MOB1B: variants seen among roughly 807,000 people sequenced by gnomAD.
MOB1B encodes the protein MOB kinase activator 1B.
In MOB1B, 19 loss-of-function variants were observed where a neutral mutation model predicts 24.4. The observed-to-expected ratio is 0.78, with a 90% CI of 0.54 to 1.14. The LOEUF (loss-of-function observed/expected upper bound fraction) is 1.14, where lower values mean the gene tolerates loss of function less well. MOB1B is among the 50% of genes most tolerant of loss of function. The pLI, the probability that MOB1B is intolerant of heterozygous loss-of-function variation, is 0.00. For synonymous variants in MOB1B, 76 were observed against 82.1 expected (o/e 0.93, Z 0.40); for missense variants, 243 against 259.6 (o/e 0.94, Z 0.44).
intron 1 of MOB1B, among the ~76,000 whole-genome samples, chr4:70,916,687 C>T (rs1477069782): frequency 1.3e-5 from 2 of 152,180 alleles, no homozygotes; most frequent in Non-Finnish European, 1.5e-5. Context: ...CCTCCCTCAG[C>T]CTCCCAAGTA....
At chr4:70,909,716 A>G (rs1735899229) in intron 1 of MOB1B, among the ~76,000 whole-genome samples, 1 of 151,576 alleles carries the variant, frequency 6.6e-6, no homozygotes, top group Admixed American at 6.6e-5. Context: ...AGGTCCAGAG[A>G]TCCTGTCTTA....
chr4:70,949,403 G>C (rs1737712885), intron 1 of MOB1B, among the ~76,000 whole-genome samples: 3 of 152,110 alleles, frequency 2.0e-5, no homozygotes. Context: ...TTAGCTTTTA[G>C]TCTTATTATT....
At chr4:70,978,758 A>C (rs1195073274) in intron 4 of MOB1B, among the ~76,000 whole-genome samples, 1 of 152,206 alleles carries the variant, frequency 6.6e-6, no homozygotes, top group East Asian at 1.9e-4. Flanking sequence ...AAGGTGGTTA[A>C]TGCATTATTT....
intron 3 of MOB1B, among the ~76,000 whole-genome samples, chr4:70,972,804 C>T (rs796140596): frequency 5.3e-5 from 8 of 152,158 alleles, no homozygotes; most frequent in African/African-American, 1.9e-4. Flanking sequence ...GACGGAGTCT[C>T]GCTCTTTCAC....
rs1473735605 is a variant in MOB1B at position 70,936,512 on chromosome 4, G to A, written c.15-22362G>A. 2.6e-5 allele frequency among the ~76,000 whole-genome samples: 4 copies of A among 152,184 alleles called. No homozygotes were observed. In the South Asian group the frequency reaches 6.2e-4, roughly 24 times the overall value. On this transcript the variant is annotated intron_variant, in intron 1 of 5. Coordinates refer to ENST00000309395, the MANE Select transcript of MOB1B (RefSeq NM_173468.4). ...ATGAGGCACCGTGCCTGGCTCATTC[G>A]ATCTTTTTGAACAAACCTATGTTGG...
chr4:70,905,090 T>G (rs1735686069), intron 1 of MOB1B, among the ~76,000 whole-genome samples: 1 of 152,234 alleles, frequency 6.6e-6, no homozygotes, highest in South Asian at 2.1e-4. Context: ...TCAGAAAAGT[T>G]AATTCAACAT....
At chr4:70,936,729 C>A (rs1306946485) in intron 1 of MOB1B, among the ~76,000 whole-genome samples, 3 of 152,112 alleles carry the variant, frequency 2.0e-5, no homozygotes, top group African/African-American at 7.2e-5. Flanking sequence ...TTCTAAAACT[C>A]TAGAAGCAGT....
At chr4:70,977,983 G>A (rs760210753) in intron 4 of MOB1B, among the ~76,000 whole-genome samples, 38 of 152,162 alleles carry the variant, frequency 2.5e-4, no homozygotes, top group Non-Finnish European at 4.7e-4. Context: ...TCACTGCCCA[G>A]CTTCAGTACA....
chr4:70,959,957 C>G (rs1738235884), intron 2 of MOB1B, among the ~76,000 whole-genome samples: 1 of 152,112 alleles, frequency 6.6e-6, no homozygotes, highest in Admixed American at 6.5e-5. Context: ...GATCTCGGCT[C>G]ACTCCAACCT....
At chr4:70,902,109 G>A (rs1421465232), upstream of MOB1B, among the ~76,000 whole-genome samples, 1 of 152,178 alleles carries the variant, frequency 6.6e-6, no homozygotes, top group Non-Finnish European at 1.5e-5. Flanking sequence ...ACTCCTAACC[G>A]GGTGGACAGG....
chr4:70,963,830 AAAAAC>A (rs1422666344), intron 2 of MOB1B, among the ~76,000 whole-genome samples: 1 of 152,082 alleles, frequency 6.6e-6, no homozygotes, highest in African/African-American at 2.4e-5. Flanking sequence ...AAAAGAAGAA[AAAAAC>A]AAAACAAAAA....
chr4:70,970,672 A>C (rs1210688129), intron 3 of MOB1B, among the ~76,000 whole-genome samples: 3 of 152,218 alleles, frequency 2.0e-5, no homozygotes, highest in Non-Finnish European at 4.4e-5. Flanking sequence ...AGTGGTACCT[A>C]AATGTAAGGC....
At chr4:70,948,454 C>G (rs1219188069) in intron 1 of MOB1B, among the ~76,000 whole-genome samples, 2 of 152,038 alleles carry the variant, frequency 1.3e-5, no homozygotes, top group Non-Finnish European at 2.9e-5. Flanking sequence ...TTTTCAGTTC[C>G]CCTCACTGTG....
chr4:70,913,459 G>A (rs1017868743), intron 1 of MOB1B, among the ~76,000 whole-genome samples: 11 of 151,948 alleles, frequency 7.2e-5, no homozygotes, highest in Admixed American at 3.3e-4. Context: ...GCCACACCCC[G>A]CTAATTTTTA....
intron 2 of MOB1B, among the ~76,000 whole-genome samples, chr4:70,965,239 G>C (rs1490686478): frequency 1.4e-5 from 2 of 141,442 alleles, no homozygotes. Context: ...AGAGGTTGCC[G>C]TGAGCCAAGA....
chr4:70,902,602 C>G (rs1578334522), intron 1 of MOB1B, 52 bp downstream of exon 1: 2 of 1,498,896 alleles, frequency 1.3e-6, no homozygotes. Context: ...GACCTGGGCC[C>G]CCGCCCGCCG....
chr4:70,902,684 A>T, intron 1 of MOB1B, 134 bp downstream of exon 1: 1 of 855,694 alleles, frequency 1.2e-6, no homozygotes, highest in African/African-American at 1.8e-5. Context: ...GTCACCACCA[A>T]GCGGGGCCCC....
At chr4:70,938,777 GTTTT>G (rs11297851) in intron 1 of MOB1B, among the ~76,000 whole-genome samples, 1 of 127,892 alleles carries the variant, frequency 7.8e-6, no homozygotes. Context: ...TTAGGATTGG[GTTTT>G]TTTTTTTTTT....
intron 1 of MOB1B, among the ~76,000 whole-genome samples, chr4:70,922,591 A>G (rs1736483244): frequency 6.6e-6 from 1 of 152,224 alleles, no homozygotes; most frequent in Admixed American, 6.5e-5. Context: ...AATGAGAGGC[A>G]GGCCCGAATT....
Sources: gnomAD v4.1 joint callset for allele counts (sites outside exome capture counted in the v4.1 genomes callset) on GRCh38, gnomAD v4.1.1 for gene constraint, MANE v1.5 for transcripts, NCBI Gene and HGNC (gene_info 2026-07-23, HGNC 2026-07-21) for gene names.